The following PHKB variants were observed in gnomAD, a reference collection of about 807,000 sequenced individuals.
PHKB encodes the protein phosphorylase kinase regulatory subunit beta, also known as phosphorylase b kinase regulatory subunit beta.
A neutral mutation model predicts 152.1 loss-of-function variants in PHKB; 122 were observed. That is an observed-to-expected ratio of 0.80 (90% CI 0.69 to 0.93). The LOEUF (loss-of-function observed/expected upper bound fraction) is 0.93, where lower values mean the gene tolerates loss of function less well. Ranked by LOEUF, PHKB falls within the 40% of genes least tolerant of loss-of-function variation. The pLI, the probability that PHKB is intolerant of heterozygous loss-of-function variation, is 0.00. For synonymous variants in PHKB, 436 were observed against 464.9 expected, an observed-to-expected ratio of 0.94 and a Z score of 0.80; for missense variants, 1,304 against 1,328.4, an observed-to-expected ratio of 0.98 and a Z score of 0.29.
At chr16:47,586,946 G>A (rs1275419510) in intron 8 of PHKB, among the ~76,000 whole-genome samples, 6 of 151,558 alleles carry the variant, frequency 4.0e-5, no homozygotes, top group Non-Finnish European at 5.9e-5. Context: ...GCATATATAC[G>A]TATATGGGGG....
At chr16:47,469,979 A>G (rs1392323174) in intron 1 of PHKB, among the ~76,000 whole-genome samples, 1 of 152,238 alleles carries the variant, frequency 6.6e-6, no homozygotes, top group Non-Finnish European at 1.5e-5. Context: ...TGATGACAGC[A>G]GTGACAACTT....
chr16:47,463,714 G>A, intron 1 of PHKB: 2 of 565,874 alleles, frequency 3.5e-6, no homozygotes, highest in Non-Finnish European at 6.3e-6. Context: ...ATATGAGCAA[G>A]TGTAATTTAT....
chr16:47,542,933 A>T (rs1385142721), intron 6 of PHKB, among the ~76,000 whole-genome samples: 1 of 152,234 alleles, frequency 6.6e-6, no homozygotes, highest in South Asian at 2.1e-4. Flanking sequence ...ATATACAATC[A>T]TGTCATCTGC....
chr16:47,524,236 T>A (rs1970730465), intron 6 of PHKB, among the ~76,000 whole-genome samples: 1 of 152,214 alleles, frequency 6.6e-6, no homozygotes, highest in Non-Finnish European at 1.5e-5. Context: ...TGGATTCCGT[T>A]TGTTTTTCAG....
chr16:47,665,273 C>T (rs1022907455), intron 25 of PHKB: 14 of 322,580 alleles, frequency 4.3e-5, no homozygotes, highest in Admixed American at 1.4e-4. Context: ...AAAAGTTCCA[C>T]GAGAATTTTT....
At chr16:47,562,293 C>T in intron 7 of PHKB, 1 of 152,384 alleles carries the variant, frequency 6.6e-6, no homozygotes, top group South Asian at 2.1e-4. Flanking sequence ...CATGGGCCAG[C>T]CCAAGAGAAG....
At chr16:47,534,926 T>C (rs1008363105) in intron 6 of PHKB, among the ~76,000 whole-genome samples, 2 of 152,024 alleles carry the variant, frequency 1.3e-5, no homozygotes, top group East Asian at 3.9e-4. Context: ...TCATAAGAAA[T>C]GAGGAATGAG....
rs1332599193 is a variant in PHKB, at chr16:47,669,366, T to A, written c.2579T>A (p.Ile860Asn). 1 of 1,614,186 alleles carries A rather than the reference T, an allele frequency of 6.2e-7. No homozygotes were observed. The highest frequency in any genetic ancestry group is 1.7e-5 in the Admixed American group (1 of 60,022). The change falls in exon 26 of 31, where the codon ATC becomes AAC. Residue 860 changes from isoleucine to asparagine, a missense_variant. Physicochemically the swap from Ile to Asn is moderately radical, Grantham distance 149 (BLOSUM62 -3). Coordinates refer to ENST00000323584, the MANE Select transcript of PHKB (RefSeq NM_000293.3). ...QQELVIHIGW[I>N]ISNNPELFSG... Reference sequence around the variant, plus strand: ...GAACTGGTCATCCATATTGGCTGGATCATCTCCAATAACCCTGAGTTATTC... The same window carrying A: ...GAACTGGTCATCCATATTGGCTGGAACATCTCCAATAACCCTGAGTTATTC...
At chr16:47,499,609 T>G (rs986289887) in intron 2 of PHKB, 147 bp from the exon 3 acceptor site, 20 of 914,662 alleles carry the variant, frequency 2.2e-5, no homozygotes, top group Non-Finnish European at 3.2e-5. Flanking sequence ...TGAAGTTGTT[T>G]CCACATCTTC....
chr16:47,527,885 C>T (rs1327115633), intron 6 of PHKB, among the ~76,000 whole-genome samples: 1 of 152,152 alleles, frequency 6.6e-6, no homozygotes, highest in African/African-American at 2.4e-5. Flanking sequence ...GGATGGCCTT[C>T]TGCTAGCCAA....
In PHKB at chr16:47,699,209, C is replaced by T. The variant is rs1467355076; in HGVS notation, c.3145-20C>T. The stretch of plus-strand genomic sequence containing the variant: ...TACAAACAGAAGATCGAATGCCTTG[C>T]CTACTGTTTTCCTTTGTAGGATGAC... On this transcript the variant is annotated intron_variant, in intron 30 of 30. Transcript: ENST00000323584. 2 of 1,613,094 alleles carry T rather than the reference C, an allele frequency of 1.2e-6. No individual in the cohort carries two copies. Among genetic ancestry groups the T allele is most frequent in the Non-Finnish European group, 1.7e-6 (2 of 1,179,090 alleles).
chr16:47,564,457 T>C (rs932029178), intron 7 of PHKB, among the ~76,000 whole-genome samples: 4 of 152,154 alleles, frequency 2.6e-5, no homozygotes, highest in South Asian at 4.1e-4. Flanking sequence ...TTCATGTTGG[T>C]TGGCCATTTG....
intron 7 of PHKB, among the ~76,000 whole-genome samples, chr16:47,548,863 T>A (rs1971221773): frequency 6.6e-6 from 1 of 152,208 alleles, no homozygotes; most frequent in Non-Finnish European, 1.5e-5. Context: ...TTGTTGTCAT[T>A]GTTGTAATAG....
intron 26 of PHKB, among the ~76,000 whole-genome samples, chr16:47,683,572 G>T (rs1772950612): frequency 6.6e-6 from 1 of 152,228 alleles, no homozygotes; most frequent in Non-Finnish European, 1.5e-5. Context: ...CCAGGTGTGG[G>T]ATATAATCTC....
In PHKB at chr16:47,616,734, G is replaced by A. The variant is rs995305133; in HGVS notation, c.1458+5814G>A. On this transcript the variant is annotated intron_variant, in intron 14 of 30. Coordinates refer to ENST00000323584, the MANE Select transcript of PHKB (RefSeq NM_000293.3). ...TCGGCTGTGTAGAACCTAACCCAGCGGTGCTAGAGGAATTAAAGACACACG... is the reference window on the plus strand; with the variant it reads ...TCGGCTGTGTAGAACCTAACCCAGCAGTGCTAGAGGAATTAAAGACACACG... Among the ~76,000 whole-genome samples the A allele has an allele frequency of 6.0e-5, 9 of 150,476 alleles. No homozygotes were observed. In the East Asian group the frequency reaches 7.8e-4, roughly 13 times the overall value.
At chr16:47,527,877 A>G (rs549131136) in intron 6 of PHKB, among the ~76,000 whole-genome samples, 1 of 152,292 alleles carries the variant, frequency 6.6e-6, no homozygotes, top group African/African-American at 2.4e-5. Context: ...CAGCAGGAGG[A>G]TGGCCTTCTG....
intron 4 of PHKB, among the ~76,000 whole-genome samples, chr16:47,510,857 A>G (rs1181408116): frequency 1.3e-5 from 2 of 152,180 alleles, no homozygotes; most frequent in African/African-American, 4.8e-5. Context: ...GAAGTAAATT[A>G]TTGCATTTAC....
intron 1 of PHKB, among the ~76,000 whole-genome samples, chr16:47,471,501 A>G (rs1969767113): frequency 1.3e-5 from 2 of 152,200 alleles, no homozygotes; most frequent in Non-Finnish European, 2.9e-5. Flanking sequence ...GCTGTGTGTC[A>G]TATAGCTCTA....
intron 7 of PHKB, chr16:47,566,609 G>A (rs1177918896): frequency 3.0e-6 from 4 of 1,345,620 alleles, no homozygotes; most frequent in Non-Finnish European, 4.2e-6. Context: ...GAAAAGCAAT[G>A]TAGGGTGACA....
Sources: allele counts gnomAD v4.1 joint callset (sites outside exome capture counted in the v4.1 genomes callset), GRCh38; gene constraint gnomAD v4.1.1; transcripts MANE v1.5; gene names NCBI Gene and HGNC (gene_info 2026-07-23, HGNC 2026-07-21).